Variants in CPLX1 observed in about 807,000 individuals in gnomAD.
The protein encoded by CPLX1 is complexin 1.
Under a neutral mutation model 15.6 loss-of-function variants are expected in CPLX1, and 6 were observed. That is an observed-to-expected ratio of 0.39 (90% CI 0.21 to 0.76). CPLX1 has a LOEUF of 0.76. Ranked by LOEUF, CPLX1 falls within the 30% of genes least tolerant of loss-of-function variation. The pLI is 0.43. For synonymous variants in CPLX1, 91 were observed against 75.2 expected (o/e 1.21, Z -1.08); for missense variants, 242 against 188.6 (o/e 1.28, Z -1.66).
At chr4:800,455 G>A (rs9998158) in intron 2 of CPLX1, among the ~76,000 whole-genome samples, 50,349 of 148,090 alleles carry the variant, frequency 0.34, 8,379 homozygotes, top group African/African-American at 0.48. Flanking sequence ...GGCAAAATGG[G>A]GAAATCCCAT....
Position 786,662 on chromosome 4 carries a change from C to T in CPLX1, c.244G>A (p.Ala82Thr), listed in dbSNP as rs780251183. The part of the protein sequence containing the change: ...IKKKEEREAE[A>T]QAAMEANSEG... ...GAGTTGGCCTCCATGGCGGCCTGGG[C>T]CTCGGCCTCGCGCTCCTCCTTCTTC... is the stretch of plus-strand genomic sequence containing the variant. The change falls in exon 4 of 4, where the codon GCC becomes ACC. Residue 82 changes from alanine to threonine, a missense_variant. Transcript: ENST00000304062. The T allele has an allele frequency of 6.2e-6, 10 of 1,611,090 alleles. No homozygotes were observed. Among genetic ancestry groups the T allele is most frequent in the Non-Finnish European group, 6.8e-6 (8 of 1,178,752 alleles).
rs893261910 is a variant in CPLX1 at position 786,682 on chromosome 4, T to C, written c.224A>G (p.Lys75Arg). Residue 75 changes from lysine to arginine, a missense_variant, in exon 4 of 4, where the codon AAG becomes AGG. Lys to Arg is a conservative substitution (Grantham distance 26, BLOSUM62 2). Coordinates refer to ENST00000304062, the MANE Select transcript of CPLX1 (RefSeq NM_006651.4). ...GIRDKYGIKK[K>R]EEREAEAQAA... is the part of the protein sequence containing the mutation. Reference sequence around the variant, plus strand: ...CTGGGCCTCGGCCTCGCGCTCCTCCTTCTTCTTGATGCCGTACTGCGGGGG... The same window carrying C: ...CTGGGCCTCGGCCTCGCGCTCCTCCCTCTTCTTGATGCCGTACTGCGGGGG... The C allele has an allele frequency of 5.0e-6, 8 of 1,608,030 alleles. No homozygotes were observed. Among genetic ancestry groups the C allele is most frequent in the Non-Finnish European group, 5.9e-6 (7 of 1,177,168 alleles).
intron 2 of CPLX1, among the ~76,000 whole-genome samples, chr4:824,231 A>G (rs1234111916): frequency 5.3e-5 from 8 of 152,234 alleles, no homozygotes; most frequent in Non-Finnish European, 1.2e-4. Context: ...CCCCGACCAC[A>G]GCAGTGGGGC....
chr4:788,450 C>A, intron 3 of CPLX1: 1 of 985,396 alleles, frequency 1.0e-6, no homozygotes, highest in Non-Finnish European at 1.2e-6. Flanking sequence ...CGTGGGCTCG[C>A]CCTAGTCCTC....
chr4:797,738 C>T (rs894318334), intron 2 of CPLX1, among the ~76,000 whole-genome samples: 1 of 151,038 alleles, frequency 6.6e-6, no homozygotes, highest in African/African-American at 2.4e-5. Context: ...TCGAGACCAT[C>T]CTGGCTAACA....
In CPLX1 at chr4:785,946, G is replaced by A. The variant is rs916318593; in HGVS notation, c.*555C>T. 1 of 152,460 alleles carries A rather than the reference G, an allele frequency of 6.6e-6. No individual in the cohort carries two copies. The highest frequency in any genetic ancestry group is 1.5e-5 in the Non-Finnish European group (1 of 68,280). 9.4% of individuals were successfully genotyped at this position (152,460 alleles called of 1,614,324 possible). ...GAAGCAAAACCTTCCAGAGAGGAGAGGAAAGGACGCGGACAGAGACGGATG... is the reference window on the plus strand; with the variant it reads ...GAAGCAAAACCTTCCAGAGAGGAGAAGAAAGGACGCGGACAGAGACGGATG... On this transcript the variant is annotated 3_prime_UTR_variant, in exon 4 of 4. Coordinates refer to ENST00000304062, the MANE Select transcript of CPLX1 (RefSeq NM_006651.4).
intron 2 of CPLX1, among the ~76,000 whole-genome samples, chr4:817,934 T>C (rs1746791748): frequency 1.3e-5 from 2 of 152,128 alleles, no homozygotes. Context: ...TAAACCAGCA[T>C]CTGAGGAGCC....
chr4:797,911 C>G (rs1346200266), intron 2 of CPLX1, among the ~76,000 whole-genome samples: 2 of 151,876 alleles, frequency 1.3e-5, no homozygotes, highest in Admixed American at 1.3e-4. Flanking sequence ...GCCTGGGCAA[C>G]AGAGCGAGAC....
intron 2 of CPLX1, among the ~76,000 whole-genome samples, chr4:794,846 C>T (rs1423601321): frequency 6.6e-6 from 1 of 152,218 alleles, no homozygotes; most frequent in Non-Finnish European, 1.5e-5. Flanking sequence ...TGCCCCTTCC[C>T]TCCCCTCCAG....
intron 3 of CPLX1, among the ~76,000 whole-genome samples, chr4:790,359 A>C (rs960181563): frequency 1.3e-5 from 2 of 152,166 alleles, no homozygotes; most frequent in African/African-American, 4.8e-5. Flanking sequence ...AGGTCCGGCC[A>C]GCTCCCCATA....
intron 2 of CPLX1, among the ~76,000 whole-genome samples, chr4:810,954 C>T (rs1481171061): frequency 6.6e-6 from 1 of 152,142 alleles, no homozygotes; most frequent in Non-Finnish European, 1.5e-5. Flanking sequence ...GCCTCAGCCT[C>T]CCAAAGTGCT....
chr4:824,288 C>T (rs951926015), intron 2 of CPLX1, among the ~76,000 whole-genome samples: 1 of 152,256 alleles, frequency 6.6e-6, no homozygotes, highest in Admixed American at 6.5e-5. Context: ...AACACCAGTT[C>T]TGGCTCGGGG....
chr4:791,294 G>A (rs1012035892), intron 3 of CPLX1, among the ~76,000 whole-genome samples: 7 of 150,986 alleles, frequency 4.6e-5, no homozygotes, highest in Non-Finnish European at 8.8e-5. Flanking sequence ...ATGCCAGGGC[G>A]CCCGGCCCCC....
chr4:787,021 T>G, intron 3 of CPLX1: 1 of 985,240 alleles, frequency 1.0e-6, no homozygotes, highest in Non-Finnish European at 1.2e-6. Context: ...CATCCTGCCT[T>G]CCAGGAAGCC....
At chr4:787,426 A>C (rs535423327) in intron 3 of CPLX1, 9 of 963,286 alleles carry the variant, frequency 9.3e-6, no homozygotes, top group Non-Finnish European at 1.1e-5. Flanking sequence ...CTGGAGCTTC[A>C]AAGGTGATCT....
intron 2 of CPLX1, among the ~76,000 whole-genome samples, chr4:813,511 A>T (rs1560245418): frequency 6.6e-6 from 1 of 152,150 alleles, no homozygotes; most frequent in Non-Finnish European, 1.5e-5. Flanking sequence ...AAAGGTCTGT[A>T]TAAAGGGCAC....
intron 2 of CPLX1, among the ~76,000 whole-genome samples, chr4:815,543 T>C (rs901345642): frequency 6.6e-6 from 1 of 152,158 alleles, no homozygotes; most frequent in African/African-American, 2.4e-5. Flanking sequence ...GGCAGGTTTG[T>C]AAGCACCGAA....
intron 2 of CPLX1, among the ~76,000 whole-genome samples, chr4:793,286 G>A (rs983934932): frequency 6.6e-6 from 1 of 151,678 alleles, no homozygotes; most frequent in Non-Finnish European, 1.5e-5. Context: ...GGGGCTGGCA[G>A]GGGCCCTGCT....
At position 785,764 on chromosome 4, in the gene CPLX1, G is replaced by A. The variant is rs1017501822; in HGVS notation, c.*737C>T. ...GGCCGAGGGCAGGGGTCCTCCCCAGGGAGAAGCAGCAGCCGCGTGGGCGGA... is the reference window on the plus strand; with the variant it reads ...GGCCGAGGGCAGGGGTCCTCCCCAGAGAGAAGCAGCAGCCGCGTGGGCGGA... On this transcript the variant is annotated 3_prime_UTR_variant, in exon 4 of 4. Coordinates refer to ENST00000304062, the MANE Select transcript of CPLX1 (RefSeq NM_006651.4). 1 of 152,398 alleles carries A rather than the reference G, an allele frequency of 6.6e-6. No homozygotes were observed. The highest frequency in any genetic ancestry group is 1.5e-5 in the Non-Finnish European group (1 of 68,200). 9.4% of individuals were successfully genotyped at this position (152,398 alleles called of 1,614,324 possible). A position where few individuals can be genotyped will look rare whatever the true frequency, so the allele number is the denominator to read the frequency against.
Sources: gnomAD v4.1 joint callset for allele counts (sites outside exome capture counted in the v4.1 genomes callset) on GRCh38, gnomAD v4.1.1 for gene constraint, MANE v1.5 for transcripts, NCBI Gene and HGNC (gene_info 2026-07-23, HGNC 2026-07-21) for gene names.